Variants in PCDHA5 observed in about 807,000 individuals in gnomAD.
PCDHA5 encodes the protein protocadherin alpha 5.
A neutral mutation model predicts 61.6 loss-of-function variants in PCDHA5; 43 were observed. That is an observed-to-expected ratio of 0.70 (90% CI 0.55 to 0.90). The LOEUF (loss-of-function observed/expected upper bound fraction) is 0.90. PCDHA5 is among the 40% of genes least tolerant of loss of function. The probability of loss-of-function intolerance (pLI) is 0.00; values close to 1 mark genes in which losing one functional copy is unlikely to be tolerated. For synonymous variants in PCDHA5, 627 were observed against 543.9 expected (o/e 1.15, Z -2.13); for missense variants, 1,298 against 1,222.7 (o/e 1.06, Z -0.92).
Position 140,987,904 on chromosome 5 carries a change from G to T in PCDHA5, c.2500+5341G>T, listed in dbSNP as rs115515462. 1.9e-3 allele frequency among the ~76,000 whole-genome samples: 290 copies of T among 151,852 alleles called. 1 individual carries two copies. The highest frequency in any genetic ancestry group is 7.0e-3 in the African/African-American group (288 of 41,412). On this transcript the variant is annotated intron_variant, in intron 3 of 3. Transcript: ENST00000529859. ...GTTTATGTGCCCTAGTTTTATATGG[G>T]GATTTATATTCTTAATTGTCTCAAG...
chr5:140,852,300 C>A (rs1056866634), intron 1 of PCDHA5: 2 of 445,888 alleles, frequency 4.5e-6, no homozygotes, highest in East Asian at 1.5e-4. Flanking sequence ...TTTTCTGAGA[C>A]GGAGTCGTTT....
chr5:140,877,015 G>C (rs371309003), intron 1 of PCDHA5: 9 of 1,612,358 alleles, frequency 5.6e-6, no homozygotes, highest in Non-Finnish European at 7.6e-6. Context: ...CGCGGAGAGC[G>C]GCAAGGTGTA....
chr5:140,824,171 C>A, intron 1 of PCDHA5, 44 bp downstream of exon 1: 1 of 1,610,416 alleles, frequency 6.2e-7, no homozygotes, highest in Non-Finnish European at 8.5e-7. Flanking sequence ...TCCCAATTTT[C>A]AAATATTAAA....
chr5:140,881,398 A>G, intron 1 of PCDHA5: 1 of 975,546 alleles, frequency 1.0e-6, no homozygotes, highest in Non-Finnish European at 1.2e-6. Context: ...GTTAAATTCT[A>G]TTAAATCAAT....
intron 1 of PCDHA5, chr5:140,829,595 C>A (rs147522996): frequency 2.5e-6 from 4 of 1,611,770 alleles, no homozygotes; most frequent in Non-Finnish European, 3.4e-6. Context: ...GGTGGGCGAG[C>A]GCGCGTTGTC....
At chr5:140,954,222 G>A (rs2094999300) in intron 1 of PCDHA5, among the ~76,000 whole-genome samples, 1 of 152,132 alleles carries the variant, frequency 6.6e-6, no homozygotes, top group African/African-American at 2.4e-5. Context: ...TTTTGCTATT[G>A]TGAATAGTGC....
chr5:140,881,538 C>CT lies in PCDHA5; in HGVS notation c.2352+57414dup, dbSNP rs1216394306. ...AAATCCCACACATATTGACTGAACA[C>CT]TTTCTTTTGAATATAAATATCTTAT... On this transcript the variant is annotated intron_variant, in intron 1 of 3. Transcript: ENST00000529859. Among the ~76,000 whole-genome samples, 3 of 152,196 alleles carry CT rather than the reference C, an allele frequency of 2.0e-5. No homozygotes were observed. In the East Asian group the frequency reaches 5.8e-4, roughly 29 times the overall value.
Position 140,884,117 on chromosome 5 carries a change from G to A in PCDHA5, c.2352+59990G>A, listed in dbSNP as rs782383006. 1 of 1,613,298 alleles carries A rather than the reference G, an allele frequency of 6.2e-7. No homozygotes were observed. The highest frequency in any genetic ancestry group is 1.7e-5 in the Admixed American group (1 of 60,006). On this transcript the variant is annotated intron_variant, in intron 1 of 3. Transcript: ENST00000529859. ...GTATGAATTGCAGCTGGCGGCGGTC[G>A]GCGCGCGCATCCCGTTCCGCGTGGG...
intron 1 of PCDHA5, chr5:140,969,002 T>C (rs201544118): frequency 8.1e-6 from 13 of 1,614,214 alleles, no homozygotes; most frequent in Non-Finnish European, 1.1e-5. Context: ...TGGAGGCTTC[T>C]GTGGAGTAAG....
chr5:140,883,003 C>T, intron 1 of PCDHA5: 1 of 1,614,050 alleles, frequency 6.2e-7, no homozygotes, highest in East Asian at 2.2e-5. Flanking sequence ...TTTACCAATC[C>T]GTTTATAAAG....
intron 1 of PCDHA5, among the ~76,000 whole-genome samples, chr5:140,952,160 G>C (rs952147312): frequency 6.6e-6 from 1 of 152,044 alleles, no homozygotes; most frequent in Non-Finnish European, 1.5e-5. Flanking sequence ...GGCTTTGTGG[G>C]GTTCAGTTCC....
In PCDHA5 at chr5:140,829,895, G is replaced by A. The variant is rs2150177199; in HGVS notation, c.2352+5768G>A. The A allele has an allele frequency of 2.8e-5, 45 of 1,613,856 alleles. No homozygotes were observed. The Admixed American group carries it at 6.2e-4, about 22-fold the overall frequency. On this transcript the variant is annotated intron_variant, in intron 1 of 3. Transcript: ENST00000529859. ...GGTGCGCGCAGTTGACGCCGACTCA[G>A]GCTACAACGCGTGGCTTTCGTATGA...
chr5:140,871,364 G>A lies in PCDHA5; in HGVS notation c.2352+47237G>A, dbSNP rs113722940. ...AGCTGGTCATACTCGCAGCAGAGGC[G>A]GCAGAGGGTGTGCTCTGAGGAGGGC... On this transcript the variant is annotated intron_variant, in intron 1 of 3. Transcript: ENST00000529859. The A allele has an allele frequency of 2.5e-5, 40 of 1,614,220 alleles. 1 individual carries two copies. The highest frequency in any genetic ancestry group is 2.0e-4 in the African/African-American group (15 of 75,074).
At chr5:140,920,842 A>T (rs1377558160) in intron 1 of PCDHA5, among the ~76,000 whole-genome samples, 3 of 127,576 alleles carry the variant, frequency 2.4e-5, no homozygotes, top group Non-Finnish European at 5.0e-5. Context: ...GACCAAATCT[A>T]AAAAAAAAAA....
intron 1 of PCDHA5, among the ~76,000 whole-genome samples, chr5:140,941,191 T>TTTCTTTCTTCCTTTCTTCCTTTC (rs1487503403): frequency 1.1e-5 from 1 of 93,258 alleles, no homozygotes; most frequent in African/African-American, 3.9e-5. Flanking sequence ...GCTTCTTTTT[T>TTTCTTTCTTCCTTTCTTCCTTTC]TTTCTTTCTT....
chr5:140,917,333 G>GT (rs1401985588), intron 1 of PCDHA5, among the ~76,000 whole-genome samples: 2 of 148,632 alleles, frequency 1.3e-5, no homozygotes, highest in Admixed American at 6.7e-5. Context: ...GCGGGGGAGG[G>GT]GGGGGATGGT....
At chr5:140,825,989 G>A (rs1261302386) in intron 1 of PCDHA5, 1 of 152,210 alleles carries the variant, frequency 6.6e-6, no homozygotes, top group Non-Finnish European at 1.5e-5. Context: ...GGATTTATAG[G>A]TAGTAAATAG....
Position 140,835,629 on chromosome 5 carries a change from G to GA in PCDHA5, c.2352+11503dup, listed in dbSNP as rs2150239945. The GA allele has an allele frequency of 2.5e-6, 4 of 1,613,910 alleles. No homozygotes were observed. The East Asian group carries it at 6.7e-5, about 27-fold the overall frequency. ...GGTGCTGGACAGCGCTCTGGACCGC[G>GA]AGAGTGTGTCCGCCTATGAGCTGGT... is the stretch of plus-strand genomic sequence containing the variant. On this transcript the variant is annotated intron_variant, in intron 1 of 3. Transcript: ENST00000529859.
chr5:140,924,318 G>C (rs550515387), intron 1 of PCDHA5, among the ~76,000 whole-genome samples: 71 of 152,282 alleles, frequency 4.7e-4, no homozygotes, highest in African/African-American at 1.3e-3. Context: ...AATTTTATCT[G>C]AGACTTGGTG....
Sources: allele counts gnomAD v4.1 joint callset (sites outside exome capture counted in the v4.1 genomes callset), GRCh38; gene constraint gnomAD v4.1.1; transcripts MANE v1.5; gene names NCBI Gene and HGNC (gene_info 2026-07-23, HGNC 2026-07-21).